MICAL3: variants seen among roughly 807,000 people sequenced by gnomAD.
MICAL3 encodes the protein [F-actin]-monooxygenase MICAL3.
Under a neutral mutation model 207.4 loss-of-function variants are expected in MICAL3, and 62 were observed. The observed-to-expected ratio is 0.30, with a 90% CI of 0.24 to 0.37. The LOEUF (loss-of-function observed/expected upper bound fraction) is 0.37. MICAL3 is among the 10% of genes least tolerant of loss of function. The pLI, the probability that MICAL3 is intolerant of heterozygous loss-of-function variation, is 1.00. For missense variants in MICAL3, 2,368 were observed against 2,635.6 expected, an observed-to-expected ratio of 0.90 and a Z score of 2.22; for synonymous variants, 1,077 against 1,069.3, an observed-to-expected ratio of 1.01 and a Z score of -0.14.
intron 1 of MICAL3, among the ~76,000 whole-genome samples, chr22:17,949,893 TG>T (rs1934249537): frequency 6.6e-6 from 1 of 152,216 alleles, no homozygotes; most frequent in Non-Finnish European, 1.5e-5. Flanking sequence ...CCAGCAGGCC[TG>T]GGTAGGGCCA....
At position 17,841,933 on chromosome 22, in the gene MICAL3, C is replaced by A. The variant is rs528919172; in HGVS notation, c.2690G>T (p.Arg897Leu). 5 of 1,602,770 alleles carry A rather than the reference C, an allele frequency of 3.1e-6. No individual in the cohort carries two copies. Among genetic ancestry groups the A allele is most frequent in the Non-Finnish European group, 3.4e-6 (4 of 1,176,316 alleles). The stretch of plus-strand genomic sequence containing the variant: ...TGCCTCAGCCTGCCTCAGGGACAGG[C>A]GGTAGTTCTCCAGCTCGATCCGCTC... The part of the protein sequence containing the change: ...TPERIELENY[R>L]LSLRQAEALQ... The change falls in exon 20 of 32, where the codon CGC (arginine) becomes CTC (leucine). Residue 897 changes from arginine to leucine, a missense_variant. Physicochemically the swap from Arg to Leu is moderately radical, Grantham distance 102 (BLOSUM62 -2). Around this residue, in one of 4 missense-constraint regions of MICAL3, gnomAD observed 1,770 missense variants for 1,863.2 expected, o/e 0.95. Transcript: ENST00000441493. This position sits in a 1 kb window ranked among gnomAD's most constrained non-coding sequence, Gnocchi z 4.2.
chr22:17,818,467 C>T lies in MICAL3; in HGVS notation c.4194G>A (p.Pro1398=), dbSNP rs376776722. ...GGGACCGGGGGGTTGGCAGGGACAACGGCTCGCCTTCCGGCTTTGGCAGGC... is the reference window on the plus strand; with the variant it reads ...GGGACCGGGGGGTTGGCAGGGACAATGGCTCGCCTTCCGGCTTTGGCAGGC... ...RLGLPKPEGE[P]LSLPTPRSPS... Residue 1398 remains proline, a synonymous_variant, in exon 26 of 32, where the codon CCG becomes CCA. Coordinates refer to ENST00000441493, the MANE Select transcript of MICAL3 (RefSeq NM_015241.3). 16 of 1,612,708 alleles carry T rather than the reference C, an allele frequency of 9.9e-6. No homozygotes were observed. The highest frequency in any genetic ancestry group is 1.6e-4 in the Middle Eastern group (1 of 6,084).
At chr22:17,976,581 A>ATTTT (rs1475653582) in intron 1 of MICAL3, among the ~76,000 whole-genome samples, 1 of 90,514 alleles carries the variant, frequency 1.1e-5, no homozygotes, top group African/African-American at 5.5e-5. Context: ...ATATATATAT[A>ATTTT]TATATATATT....
chr22:17,812,187 C>T (rs1048540394), intron 27 of MICAL3, among the ~76,000 whole-genome samples: 1 of 152,276 alleles, frequency 6.6e-6, no homozygotes, highest in Non-Finnish European at 1.5e-5. Flanking sequence ...TGTTTCAGCG[C>T]TGCACCTTGC....
intron 1 of MICAL3, among the ~76,000 whole-genome samples, chr22:17,908,010 C>T (rs761145874): frequency 3.9e-5 from 6 of 152,094 alleles, no homozygotes; most frequent in African/African-American, 7.2e-5. Flanking sequence ...GAGATGGCAC[C>T]GCGTGTACTC....
Position 17,971,604 on chromosome 22 carries a change from T to C in MICAL3, c.-75+52677A>G, listed in dbSNP as rs139390126. Among the ~76,000 whole-genome samples the C allele has an allele frequency of 4.5e-3, 681 of 152,346 alleles. 13 individuals are homozygous for C. The highest frequency in any genetic ancestry group is 6.0e-3 in the Non-Finnish European group (408 of 68,032). On this transcript the variant is annotated intron_variant, in intron 1 of 31. Coordinates refer to ENST00000441493, the MANE Select transcript of MICAL3 (RefSeq NM_015241.3). ...GCATACACAGGCACCAGACACTGTG[T>C]TGGGGCTAAGCACAGAATGTGAACA...
chr22:17,941,208 T>G (rs751599060), intron 1 of MICAL3, among the ~76,000 whole-genome samples: 2 of 152,190 alleles, frequency 1.3e-5, no homozygotes, highest in Non-Finnish European at 2.9e-5. Flanking sequence ...TTTCTCAGCC[T>G]GCATTTGCCC....
intron 1 of MICAL3, among the ~76,000 whole-genome samples, chr22:17,998,993 A>C (rs1222008204): frequency 1.3e-5 from 2 of 152,322 alleles, no homozygotes; most frequent in Non-Finnish European, 2.9e-5. Context: ...AAGACGGAGA[A>C]GGCAAATGGC....
chr22:17,860,387 C>T lies in MICAL3; in HGVS notation c.2605+4512G>A, dbSNP rs886223676. ...GTAGACAGGCAGCAGTGGCGTGTTC[C>T]TTGGCACAGCTAATCCTCTCCTGTT... On this transcript the variant is annotated intron_variant, in intron 19 of 31. Transcript: ENST00000441493. The T allele has an allele frequency of 8.1e-6, 8 of 985,336 alleles. No homozygotes were observed. In the African/African-American group the frequency reaches 1.4e-4, roughly 17 times the overall value. The allele number at this position is 985,336 out of a possible 1,614,324, so 61.0% of individuals were successfully genotyped here.
intron 27 of MICAL3, chr22:17,814,585 CA>C (rs1261251820): frequency 1.3e-5 from 2 of 152,186 alleles, no homozygotes; most frequent in Non-Finnish European, 2.9e-5. Flanking sequence ...TCCTCTTTAG[CA>C]TCCATGTCTT....
rs1204825142 is a variant in MICAL3, at chr22:17,976,587, A to ATT, written c.-75+47693_-75+47694insAA. The stretch of plus-strand genomic sequence containing the variant: ...TATATATATATATATATATATATAT[A>ATT]TATTTTTTTTTTTTTTTTTTGAGAC... On this transcript the variant is annotated intron_variant, in intron 1 of 31. Transcript: ENST00000441493. Among the ~76,000 whole-genome samples, 173 of 80,280 alleles carry ATT rather than the reference A, an allele frequency of 2.2e-3. 3 individuals carry two copies. Among genetic ancestry groups the ATT allele is most frequent in the Admixed American group, 2.7e-3 (14 of 5,214 alleles). 52.7% of individuals were successfully genotyped at this position (80,280 alleles called of 152,430 possible). A position where few individuals can be genotyped will look rare whatever the true frequency, so the allele number is the denominator to read the frequency against.
intron 12 of MICAL3, among the ~76,000 whole-genome samples, chr22:17,891,155 A>G (rs1300614253): frequency 6.6e-6 from 1 of 152,182 alleles, no homozygotes; most frequent in Non-Finnish European, 1.5e-5. Flanking sequence ...CGGGGCCAAT[A>G]AACAGTTTTC....
intron 1 of MICAL3, among the ~76,000 whole-genome samples, chr22:17,968,401 C>T (rs116773808): frequency 0.017 from 2,640 of 152,160 alleles, 28 homozygotes; most frequent in Middle Eastern, 0.044. Flanking sequence ...GCACAGGAGC[C>T]GGGAGCTGCT....
At chr22:17,923,043 C>T (rs774259007) in intron 1 of MICAL3, among the ~76,000 whole-genome samples, 1 of 152,204 alleles carries the variant, frequency 6.6e-6, no homozygotes, top group South Asian at 2.1e-4. Context: ...CCGCTGACCC[C>T]TGAGATCACT....
chr22:17,923,170 T>A (rs1341763470), intron 1 of MICAL3, among the ~76,000 whole-genome samples: 1 of 152,170 alleles, frequency 6.6e-6, no homozygotes, highest in Non-Finnish European at 1.5e-5. Flanking sequence ...CAAGGAATAC[T>A]GCAAATTCCC....
At chr22:17,999,584 TC>T (rs1922700138) in intron 1 of MICAL3, among the ~76,000 whole-genome samples, 1 of 152,200 alleles carries the variant, frequency 6.6e-6, no homozygotes, top group Admixed American at 6.5e-5. Context: ...GTACATTATT[TC>T]CAAAGCCCAT....
rs1927637975 is a variant in MICAL3 at position 17,870,702 on chromosome 22, G to A, written c.2428+1135C>T. On this transcript the variant is annotated intron_variant, in intron 17 of 31. Transcript: ENST00000441493. ...TGAGCTATCCAGAGAGCAGGTGTGTGTGAGAGGTGGAACAGAAGACTTGAC... is the reference window on the plus strand; with the variant it reads ...TGAGCTATCCAGAGAGCAGGTGTGTATGAGAGGTGGAACAGAAGACTTGAC... Among the ~76,000 whole-genome samples, 3 of 152,220 alleles carry A rather than the reference G, an allele frequency of 2.0e-5. No individual in the cohort carries two copies. The South Asian group carries it at 6.2e-4, about 32-fold the overall frequency.
intron 19 of MICAL3, chr22:17,862,109 T>C (rs1602079392): frequency 1.0e-6 from 1 of 985,290 alleles, no homozygotes; most frequent in Non-Finnish European, 1.2e-6. Context: ...CTAGGGAGGA[T>C]GGCTGAGTTA....
intron 19 of MICAL3, chr22:17,842,272 G>A (rs1296005937): frequency 7.5e-6 from 4 of 535,054 alleles, no homozygotes; most frequent in Non-Finnish European, 1.0e-5. Flanking sequence ...CCCTGAACCC[G>A]GCCCCCAGAG....
Sources: allele counts gnomAD v4.1 joint callset (sites outside exome capture counted in the v4.1 genomes callset), GRCh38; gene constraint gnomAD v4.1.1; regional missense constraint gnomAD v4.1.1; non-coding constraint Gnocchi (gnomAD v3.1); transcripts MANE v1.5; gene names NCBI Gene and HGNC (gene_info 2026-07-23, HGNC 2026-07-21).